The following GRID2 variants were observed in gnomAD, a reference collection of about 807,000 sequenced individuals.
GRID2 encodes the protein glutamate receptor ionotropic, delta-2.
In GRID2, 33 loss-of-function variants were observed where a neutral mutation model predicts 114.8. The observed-to-expected ratio is 0.29, with a 90% CI of 0.22 to 0.38. The LOEUF is 0.38. GRID2 is among the 10% of genes least tolerant of loss of function. GRID2 has a pLI of 1.00. For missense variants in GRID2, 1,184 were observed against 1,257.7 expected, an observed-to-expected ratio of 0.94 and a Z score of 0.89; for synonymous variants, 505 against 449.9, an observed-to-expected ratio of 1.12 and a Z score of -1.55.
At chr4:92,921,985 T>C (rs1749386574) in intron 2 of GRID2, among the ~76,000 whole-genome samples, 1 of 152,188 alleles carries the variant, frequency 6.6e-6, no homozygotes, top group Admixed American at 6.5e-5. Context: ...TGAGCTTTGG[T>C]GGGCTCCACC....
intron 8 of GRID2, among the ~76,000 whole-genome samples, chr4:93,357,318 G>A (rs1310074387): frequency 6.6e-6 from 1 of 150,992 alleles, no homozygotes; most frequent in Non-Finnish European, 1.5e-5. Flanking sequence ...CATTATTTAT[G>A]CATATTTTTC....
intron 2 of GRID2, among the ~76,000 whole-genome samples, chr4:92,848,837 T>A (rs1226587411): frequency 6.6e-6 from 1 of 151,886 alleles, no homozygotes; most frequent in Non-Finnish European, 1.5e-5. Flanking sequence ...TAGACACATA[T>A]AGAGACACCA....
At chr4:93,047,133 C>T (rs1726224565) in intron 2 of GRID2, among the ~76,000 whole-genome samples, 2 of 151,880 alleles carry the variant, frequency 1.3e-5, no homozygotes, top group Admixed American at 6.6e-5. Flanking sequence ...AAACATCCTA[C>T]AAAACAGCTA....
intron 11 of GRID2, among the ~76,000 whole-genome samples, chr4:93,482,918 A>G: frequency 6.6e-6 from 1 of 151,934 alleles, no homozygotes; most frequent in East Asian, 1.9e-4. Context: ...CCGCACTTGT[A>G]TCTCTTGTTC....
chr4:92,841,919 A>G (rs570031712), intron 2 of GRID2, among the ~76,000 whole-genome samples: 89 of 152,226 alleles, frequency 5.8e-4, no homozygotes, highest in African/African-American at 2.0e-3. Context: ...AGGACTGTGA[A>G]GACAAGGTGA....
At chr4:92,639,282 T>G (rs1731230092) in intron 2 of GRID2, among the ~76,000 whole-genome samples, 1 of 151,786 alleles carries the variant, frequency 6.6e-6, no homozygotes, top group Non-Finnish European at 1.5e-5. Context: ...ATATCTTAAT[T>G]TTTATCTTAT....
At chr4:92,880,667 C>CAA (rs1234466318) in intron 2 of GRID2, among the ~76,000 whole-genome samples, 1 of 151,718 alleles carries the variant, frequency 6.6e-6, no homozygotes, top group African/African-American at 2.4e-5. Flanking sequence ...ATGGCCTTTT[C>CAA]AAAAAAACAA....
At chr4:92,956,071 A>T (rs550304567) in intron 2 of GRID2, among the ~76,000 whole-genome samples, 1 of 152,222 alleles carries the variant, frequency 6.6e-6, no homozygotes, top group African/African-American at 2.4e-5. Context: ...CAAAAAACAA[A>T]AACAATTTTT....
chr4:93,513,690 G>A (rs545288760), intron 12 of GRID2, among the ~76,000 whole-genome samples: 1 of 152,100 alleles, frequency 6.6e-6, no homozygotes, highest in East Asian at 1.9e-4. Flanking sequence ...AATTATCATG[G>A]TAGTTTCCAT....
At position 93,515,255 on chromosome 4, in the gene GRID2, T is replaced by A; in HGVS notation, c.2037T>A (p.Tyr679Ter). The A allele has an allele frequency of 6.2e-7, 1 of 1,606,818 alleles. No homozygotes were observed. Among genetic ancestry groups the A allele is most frequent in the Non-Finnish European group, 8.5e-7 (1 of 1,175,390 alleles). ...TTTCCAAGCAAACAGAAATCCCTTA[T>A]GGCACAGTCCTAGACTCTGCGGTAT... ...QDLSKQTEIP[Y>*]GTVLDSAVYE... The change falls in exon 13 of 16, where the codon TAT becomes TAA. Residue 679 changes from tyrosine (Y) to a stop codon, truncating the protein, a stop_gained. Transcript: ENST00000282020. LOFTEE classifies it high-confidence loss of function.
chr4:93,143,943 G>A (rs1468634362), intron 4 of GRID2, among the ~76,000 whole-genome samples: 3 of 151,954 alleles, frequency 2.0e-5, no homozygotes, highest in Admixed American at 6.6e-5. Context: ...AAATTTCTAA[G>A]CCACTCACTC....
intron 1 of GRID2, among the ~76,000 whole-genome samples, chr4:92,429,474 G>T (rs982356993): frequency 1.3e-5 from 2 of 152,036 alleles, no homozygotes; most frequent in African/African-American, 4.8e-5. Flanking sequence ...TATGTGTACT[G>T]CATTTTCTTT....
At chr4:93,012,820 A>C (rs1722316547) in intron 2 of GRID2, among the ~76,000 whole-genome samples, 1 of 152,086 alleles carries the variant, frequency 6.6e-6, no homozygotes, top group South Asian at 2.1e-4. Context: ...ACTCTGCAGA[A>C]ATGAGAAATT....
chr4:93,608,296 C>CTTTTTTTTTTTTTTTTTTTT (rs774334616), intron 13 of GRID2, among the ~76,000 whole-genome samples: 9 of 116,932 alleles, frequency 7.7e-5, no homozygotes, highest in African/African-American at 2.1e-4. Flanking sequence ...ATTTTTTTTT[C>CTTTTTTTTTTTTTTTTTTTT]TTTTTTTTTT....
intron 2 of GRID2, among the ~76,000 whole-genome samples, chr4:92,591,109 A>T (rs1728689500): frequency 6.6e-6 from 1 of 152,140 alleles, no homozygotes; most frequent in Non-Finnish European, 1.5e-5. Flanking sequence ...TTCTGGTGGT[A>T]TTAAGAGGTG....
At chr4:93,339,597 C>T (rs957555665) in intron 8 of GRID2, among the ~76,000 whole-genome samples, 1 of 152,134 alleles carries the variant, frequency 6.6e-6, no homozygotes, top group Admixed American at 6.5e-5. Context: ...TTTTAAGCCA[C>T]CCAGTATGTG....
intron 5 of GRID2, among the ~76,000 whole-genome samples, chr4:93,208,603 G>T (rs907626723): frequency 2.0e-5 from 3 of 151,908 alleles, no homozygotes; most frequent in African/African-American, 7.2e-5. Flanking sequence ...TTTTTACACA[G>T]AAAAGTGAAA....
At chr4:93,107,604 T>C (rs1231479214) in intron 3 of GRID2, among the ~76,000 whole-genome samples, 2 of 152,092 alleles carry the variant, frequency 1.3e-5, no homozygotes, top group Non-Finnish European at 1.5e-5. Context: ...AGTGACACAA[T>C]CTCAGCTCAC....
intron 1 of GRID2, among the ~76,000 whole-genome samples, chr4:92,399,977 T>C (rs552791217): frequency 1.3e-5 from 2 of 152,118 alleles, no homozygotes. Flanking sequence ...TAAAGATAAG[T>C]CTTAACTATT....
Sources: gnomAD v4.1 joint callset for allele counts (sites outside exome capture counted in the v4.1 genomes callset) on GRCh38, gnomAD v4.1.1 for gene constraint, MANE v1.5 for transcripts, NCBI Gene and HGNC (gene_info 2026-07-23, HGNC 2026-07-21) for gene names.